The following TBL1Y variants were observed in gnomAD, a reference collection of about 807,000 sequenced individuals.
The protein encoded by TBL1Y is transducin beta like 1 Y-linked, also known as F-box-like/WD repeat-containing protein TBL1Y.
TBL1Y carries 15 observed loss-of-function variants against 12.0 expected under a neutral mutation model. That is an observed-to-expected ratio of 1.25 (90% CI 0.83 to 1.92). The LOEUF (loss-of-function observed/expected upper bound fraction) is 1.92. TBL1Y is among the 40% of genes most tolerant of loss of function. TBL1Y has a pLI of 0.00. For synonymous variants in TBL1Y, 53 were observed against 42.6 expected, an observed-to-expected ratio of 1.24 and a Z score of -0.95; for missense variants, 148 against 116.7, an observed-to-expected ratio of 1.27 and a Z score of -1.24.
intron 7 of TBL1Y, among the ~76,000 whole-genome samples, chrY:7,060,494 C>CT (rs747458348): frequency 4.2e-4 from 11 of 26,063 alleles, no homozygotes; most frequent in East Asian, 9.8e-4. Context: ...CTCCCCCTGC[C>CT]TTTTTTTTTT....
At chrY:7,025,314 G>A in intron 6 of TBL1Y, among the ~76,000 whole-genome samples, 172 bp downstream of exon 6, 8 of 33,638 alleles carry the variant, frequency 2.4e-4, no homozygotes, top group African/African-American at 9.3e-4. Flanking sequence ...CTTCCTCAAC[G>A]ATAATGACCC....
At position 7,077,516 on chromosome Y, in the gene TBL1Y, C is replaced by T. The variant is rs894505102; in HGVS notation, c.955+2896C>T. Among the ~76,000 whole-genome samples, 7 of 33,819 alleles carry T rather than the reference C, an allele frequency of 2.1e-4. No individual in the cohort carries two copies. In the South Asian group the frequency reaches 4.7e-3, roughly 23 times the overall value. 90.7% of individuals were successfully genotyped at this position (33,819 alleles called of 37,273 possible). A position where few individuals can be genotyped will look rare whatever the true frequency, so the allele number is the denominator to read the frequency against. ...ACTGCTCACCACATTGTCACATTTCCAGGTATATTAATTGCATGCCTGAAG... is the reference window on the plus strand; with the variant it reads ...ACTGCTCACCACATTGTCACATTTCTAGGTATATTAATTGCATGCCTGAAG... On this transcript the variant is annotated intron_variant, in intron 13 of 18. Coordinates refer to ENST00000383032, the MANE Select transcript of TBL1Y (RefSeq NM_033284.2).
intron 2 of TBL1Y, among the ~76,000 whole-genome samples, chrY:6,947,519 C>T: frequency 3.0e-5 from 1 of 33,315 alleles, no homozygotes; most frequent in South Asian, 6.8e-4. Flanking sequence ...TGAACACTTG[C>T]AGCTAAGAAA....
At chrY:7,019,770 T>C in intron 4 of TBL1Y, among the ~76,000 whole-genome samples, 1 of 33,676 alleles carries the variant, frequency 3.0e-5, no homozygotes, top group Non-Finnish European at 7.4e-5. Context: ...CTGTTTCATC[T>C]CCACTGCAGA....
At chrY:7,091,028 A>AT (rs2013172566) in intron 18 of TBL1Y, among the ~76,000 whole-genome samples, 2 of 33,251 alleles carry the variant, frequency 6.0e-5, no homozygotes, top group African/African-American at 2.4e-4. Context: ...GGGCATCTGG[A>AT]TTTTTTATTT....
intron 2 of TBL1Y, among the ~76,000 whole-genome samples, chrY:6,966,247 G>T (rs763607525): frequency 9.5e-5 from 3 of 31,592 alleles, no homozygotes; most frequent in Non-Finnish European, 1.5e-4. Context: ...ATAGAGATGG[G>T]TTTCTCCATG....
chrY:7,062,922 CT>C (rs2012892025), intron 7 of TBL1Y, among the ~76,000 whole-genome samples: 1 of 34,202 alleles, frequency 2.9e-5, no homozygotes, highest in Non-Finnish European at 7.3e-5. Context: ...CAAGGAAATA[CT>C]TTACCAGCTC....
intron 9 of TBL1Y, 151 bp downstream of exon 9, chrY:7,070,479 C>T: frequency 9.5e-6 from 2 of 209,705 alleles, no homozygotes; most frequent in South Asian, 4.8e-5. Flanking sequence ...CACCTCTATA[C>T]GTGTCTCGTA....
chrY:6,928,694 G>A, intron 2 of TBL1Y, among the ~76,000 whole-genome samples: 1 of 33,826 alleles, frequency 3.0e-5, no homozygotes, highest in Admixed American at 2.7e-4. Flanking sequence ...GCCAAAGAGG[G>A]TATCACAGCC....
chrY:7,014,437 C>CT (rs2012536944), intron 4 of TBL1Y, among the ~76,000 whole-genome samples: 6 of 28,621 alleles, frequency 2.1e-4, no homozygotes, highest in Non-Finnish European at 3.4e-4. Flanking sequence ...TCTTTTTTTT[C>CT]TTTTTTTTTT....
intron 2 of TBL1Y, 39 bp from the exon 3 acceptor site, chrY:6,978,174 G>T: frequency 8.8e-5 from 3 of 34,250 alleles, no homozygotes; most frequent in Non-Finnish European, 2.2e-4. Flanking sequence ...TTAGCACCCA[G>T]TTCCTGAATT....
At chrY:6,939,323 G>T in intron 2 of TBL1Y, among the ~76,000 whole-genome samples, 1 of 33,080 alleles carries the variant, frequency 3.0e-5, no homozygotes, top group Non-Finnish European at 7.4e-5. Context: ...AGTGCTGATT[G>T]GTGTGTTTAC....
chrY:6,994,052 GT>G (rs2012393976), intron 3 of TBL1Y, among the ~76,000 whole-genome samples: 1 of 32,946 alleles, frequency 3.0e-5, no homozygotes, highest in African/African-American at 1.2e-4. Flanking sequence ...TGTAAGGAAA[GT>G]CTCAATGATT....
At chrY:7,081,173 GA>G (rs2013096863) in intron 14 of TBL1Y, among the ~76,000 whole-genome samples, 1 of 33,579 alleles carries the variant, frequency 3.0e-5, no homozygotes, top group African/African-American at 1.2e-4. Context: ...GCAATGAATG[GA>G]AAAAAATACG....
At chrY:7,028,160 T>C (rs1019919720) in intron 6 of TBL1Y, among the ~76,000 whole-genome samples, 2 of 34,049 alleles carry the variant, frequency 5.9e-5, no homozygotes, top group South Asian at 1.3e-3. Flanking sequence ...GTCACCGAGC[T>C]TGTGGCCTGA....
chrY:6,960,609 G>A (rs2124116414), intron 2 of TBL1Y, among the ~76,000 whole-genome samples: 1 of 33,573 alleles, frequency 3.0e-5, no homozygotes. Flanking sequence ...TAGCGGGCCA[G>A]ACAGATGGAG....
intron 6 of TBL1Y, among the ~76,000 whole-genome samples, chrY:7,030,718 T>G (rs757088870): frequency 8.9e-5 from 3 of 33,551 alleles, no homozygotes; most frequent in Non-Finnish European, 2.2e-4. Context: ...GATAGATAGA[T>G]AGATAGATAG....
At chrY:6,945,336 C>T (rs2011977950) in intron 2 of TBL1Y, among the ~76,000 whole-genome samples, 1 of 30,240 alleles carries the variant, frequency 3.3e-5, no homozygotes, top group Non-Finnish European at 7.9e-5. Context: ...GCTTTTCCCC[C>T]CATCCCTTTG....
chrY:7,001,606 G>A, intron 4 of TBL1Y, among the ~76,000 whole-genome samples: 4 of 31,468 alleles, frequency 1.3e-4, no homozygotes, highest in African/African-American at 5.0e-4. Flanking sequence ...GCAACACAGC[G>A]AGACTCCGTC....
Sources: gnomAD v4.1 joint callset for allele counts (sites outside exome capture counted in the v4.1 genomes callset) on GRCh38, gnomAD v4.1.1 for gene constraint, MANE v1.5 for transcripts, NCBI Gene and HGNC (gene_info 2026-07-23, HGNC 2026-07-21) for gene names.